The following SP140 variants were observed in gnomAD, a reference collection of about 807,000 sequenced individuals.
The protein encoded by SP140 is nuclear body protein SP140.
A neutral mutation model predicts 125.0 loss-of-function variants in SP140; 81 were observed. That is an observed-to-expected ratio of 0.65 (90% confidence interval 0.54 to 0.78). SP140 has a LOEUF of 0.78. Among genes scored for constraint, SP140 ranks in the 30% least tolerant of loss-of-function variants. SP140 has a pLI of 0.00. For missense variants in SP140, 858 were observed against 1,037.0 expected (o/e 0.83, Z 2.37); for synonymous variants, 312 against 354.0 (o/e 0.88, Z 1.33).
chr2:230,191,995 A>G, the SP140 span, among the ~76,000 whole-genome samples: 1 of 152,228 alleles, frequency 6.6e-6, no homozygotes, highest in African/African-American at 2.4e-5. Context: ...ACAAATCAAT[A>G]AGCATAATCC....
intron 22 of SP140, among the ~76,000 whole-genome samples, chr2:230,309,407 C>T (rs572469972): frequency 5.3e-5 from 8 of 152,170 alleles, no homozygotes; most frequent in Non-Finnish European, 1.0e-4. Flanking sequence ...GGCGTAGAGC[C>T]CTCCAGGCAC....
intron 22 of SP140, among the ~76,000 whole-genome samples, chr2:230,307,095 A>G (rs2058834107): frequency 6.6e-6 from 1 of 152,164 alleles, no homozygotes; most frequent in Admixed American, 6.5e-5. Flanking sequence ...AGCAGAGAAG[A>G]GCTTCACACT....
chr2:230,293,781 T>G (rs1218807759), intron 20 of SP140, among the ~76,000 whole-genome samples: 1 of 152,260 alleles, frequency 6.6e-6, no homozygotes, highest in African/African-American at 2.4e-5. Context: ...CCAGGGCTCC[T>G]GAGCCCTCTA....
At chr2:230,206,543 C>CAT (rs1465923977) in intron 1 of SP140, among the ~76,000 whole-genome samples, 15 of 137,098 alleles carry the variant, frequency 1.1e-4, no homozygotes, top group African/African-American at 4.0e-4. Context: ...ATTGATAACT[C>CAT]ATATATATAC....
intron 1 of SP140, among the ~76,000 whole-genome samples, chr2:230,233,227 C>G (rs2047502678): frequency 6.6e-6 from 1 of 151,864 alleles, no homozygotes; most frequent in Non-Finnish European, 1.5e-5. Context: ...GTATATTTCT[C>G]TAACTGAGAC....
intron 12 of SP140, among the ~76,000 whole-genome samples, chr2:230,260,077 C>T (rs960735489): frequency 2.6e-4 from 40 of 152,054 alleles, no homozygotes; most frequent in African/African-American, 9.4e-4. Context: ...GAAGTGTTCC[C>T]TATTCACTGC....
At chr2:230,272,869 A>G (rs2054147934) in intron 15 of SP140, among the ~76,000 whole-genome samples, 1 of 152,188 alleles carries the variant, frequency 6.6e-6, no homozygotes, top group Non-Finnish European at 1.5e-5. Context: ...AGTAAATGGT[A>G]CTGGGATAAT....
chr2:230,225,539 A>G (rs1331582927), upstream of SP140: 2 of 448,226 alleles, frequency 4.5e-6, no homozygotes, highest in Non-Finnish European at 8.3e-6. Context: ...CCTTACCTCA[A>G]AACAACTTTG....
intron 12 of SP140, among the ~76,000 whole-genome samples, chr2:230,255,967 G>A (rs903624977): frequency 9.2e-5 from 14 of 152,252 alleles, no homozygotes; most frequent in African/African-American, 3.1e-4. Flanking sequence ...TCAGAAATAC[G>A]GTAGGAAGAA....
intron 12 of SP140, among the ~76,000 whole-genome samples, chr2:230,260,527 T>C (rs2149290322): frequency 6.6e-6 from 1 of 152,340 alleles, no homozygotes; most frequent in East Asian, 1.9e-4. Context: ...TAAGCCAATG[T>C]TTAGAAGGGT....
chr2:230,213,989 G>C (rs1033060919), exon 3 of SP140: 1 of 152,238 alleles, frequency 6.6e-6, no homozygotes, highest in Non-Finnish European at 1.5e-5. Flanking sequence ...AAGTGTCAGA[G>C]AGCAAAGGAG....
chr2:230,225,980 C>A, intron 1 of SP140, 77 bp downstream of exon 1: 1 of 1,105,620 alleles, frequency 9.0e-7, no homozygotes, highest in South Asian at 1.3e-5. Context: ...TTAATGTCTA[C>A]CCAGCTTCAC....
chr2:230,312,495 T>G (rs1342925053), intron 26 of SP140, 91 bp from the exon 27 acceptor site: 13 of 787,364 alleles, frequency 1.7e-5, no homozygotes, highest in Admixed American at 2.8e-5. Flanking sequence ...CTTTTTTTTT[T>G]AAAGACAAGA....
intron 22 of SP140, among the ~76,000 whole-genome samples, chr2:230,309,424 TAC>T (rs749147448): frequency 4.6e-5 from 7 of 152,128 alleles, no homozygotes; most frequent in Non-Finnish European, 8.8e-5. Flanking sequence ...GCACAAAACG[TAC>T]AGTCTAGGAA....
chr2:230,311,971 A>G (rs1256771558), intron 26 of SP140, among the ~76,000 whole-genome samples: 4 of 152,200 alleles, frequency 2.6e-5, no homozygotes, highest in African/African-American at 9.7e-5. Context: ...GATTCTTTGC[A>G]TGTGAATAGA....
At chr2:230,241,558 G>A (rs567279622) in intron 4 of SP140, 71 bp downstream of exon 4, 12 of 871,404 alleles carry the variant, frequency 1.4e-5, no homozygotes, top group African/African-American at 8.3e-5. Flanking sequence ...GGCAAATCTT[G>A]TATTTCCTCT....
At chr2:230,281,000 A>G (rs2055460060) in intron 15 of SP140, among the ~76,000 whole-genome samples, 1 of 152,076 alleles carries the variant, frequency 6.6e-6, no homozygotes, top group South Asian at 2.1e-4. Flanking sequence ...CAGGTCGATA[A>G]TTTATTTCTT....
intron 16 of SP140, among the ~76,000 whole-genome samples, chr2:230,284,939 A>G (rs1382933587): frequency 6.6e-6 from 1 of 152,212 alleles, no homozygotes; most frequent in African/African-American, 2.4e-5. Flanking sequence ...TCAGTGTAAT[A>G]GAGGTGATGT....
chr2:230,259,455 A>T (rs2051811559), intron 12 of SP140, among the ~76,000 whole-genome samples: 1 of 151,818 alleles, frequency 6.6e-6, no homozygotes, highest in African/African-American at 2.4e-5. Context: ...AGATGGATGG[A>T]TCACCTGAGG....
Sources: allele counts gnomAD v4.1 joint callset (sites outside exome capture counted in the v4.1 genomes callset), GRCh38; gene constraint gnomAD v4.1.1; transcripts MANE v1.5; gene names NCBI Gene and HGNC (gene_info 2026-07-23, HGNC 2026-07-21).